IGF1R: variants seen among roughly 807,000 people sequenced by gnomAD.
IGF1R encodes insulin-like growth factor 1 receptor.
In IGF1R, 44 loss-of-function variants were observed where a neutral mutation model predicts 144.6. The ratio of observed to expected loss-of-function variants is 0.30; its 90% confidence interval spans 0.24 to 0.39. The LOEUF is 0.39. Ranked by LOEUF, IGF1R falls within the 10% of genes least tolerant of loss-of-function variation. IGF1R has a pLI of 1.00. For missense variants in IGF1R, 1,355 were observed against 1,833.7 expected (o/e 0.74, Z 4.77); for synonymous variants, 795 against 722.8 (o/e 1.10, Z -1.60).
At chr15:98,769,238 C>A (rs899994927) in intron 2 of IGF1R, among the ~76,000 whole-genome samples, 1 of 151,894 alleles carries the variant, frequency 6.6e-6, no homozygotes, top group East Asian at 1.9e-4. Flanking sequence ...TGGTATGTAC[C>A]TTGTGGCTAA....
chr15:98,683,232 G>A (rs1313116834), intron 1 of IGF1R, among the ~76,000 whole-genome samples: 1 of 152,138 alleles, frequency 6.6e-6, no homozygotes, highest in Non-Finnish European at 1.5e-5. Context: ...GAGTTTGGGT[G>A]TGTGACTTAA....
chr15:98,776,286 G>C lies in IGF1R; in HGVS notation c.640+68179G>C, dbSNP rs928615162. On this transcript the variant is annotated intron_variant, in intron 2 of 20. Transcript: ENST00000650285. ...TGCAACCTCCGCCTCCCGGGTTCCAGCAATTCTCCTGCCTCGGCCTTCTGA... is the reference window on the plus strand; with the variant it reads ...TGCAACCTCCGCCTCCCGGGTTCCACCAATTCTCCTGCCTCGGCCTTCTGA... Among the ~76,000 whole-genome samples the C allele has an allele frequency of 1.3e-4, 20 of 151,978 alleles. No individual in the cohort carries two copies. The East Asian group carries it at 2.5e-3, about 19-fold the overall frequency.
At chr15:98,833,044 A>G (rs994107486) in intron 2 of IGF1R, among the ~76,000 whole-genome samples, 1 of 152,238 alleles carries the variant, frequency 6.6e-6, no homozygotes, top group Non-Finnish European at 1.5e-5. Flanking sequence ...GGTGAGGACT[A>G]CATTATGGGC....
intron 5 of IGF1R, among the ~76,000 whole-genome samples, chr15:98,901,776 C>T (rs1411946496): frequency 6.6e-6 from 1 of 152,146 alleles, no homozygotes; most frequent in East Asian, 1.9e-4. Flanking sequence ...TGAGATGGGC[C>T]TTGAAGGCTT....
chr15:98,773,124 A>T (rs1401662835), intron 2 of IGF1R, among the ~76,000 whole-genome samples: 1 of 151,874 alleles, frequency 6.6e-6, no homozygotes, highest in East Asian at 1.9e-4. Flanking sequence ...AACTTTTATG[A>T]TTTTCTTCCT....
At chr15:98,934,773 C>G in intron 15 of IGF1R, 51 bp from the exon 16 acceptor site, 1 of 1,513,150 alleles carries the variant, frequency 6.6e-7, no homozygotes, top group Non-Finnish European at 9.2e-7. Flanking sequence ...AAAGCACGTT[C>G]TGTCTAAGGG....
chr15:98,895,859 C>T (rs1310078273), intron 3 of IGF1R, among the ~76,000 whole-genome samples: 1 of 152,212 alleles, frequency 6.6e-6, no homozygotes, highest in African/African-American at 2.4e-5. Context: ...TCCTATTACA[C>T]ACACATCGCA....
chr15:98,853,348 G>A (rs1200045455), intron 2 of IGF1R, among the ~76,000 whole-genome samples: 1 of 152,170 alleles, frequency 6.6e-6, no homozygotes, highest in Non-Finnish European at 1.5e-5. Flanking sequence ...TGAATTATTT[G>A]CGACAGGGCT....
chr15:98,824,403 C>G (rs1369107035), intron 2 of IGF1R, among the ~76,000 whole-genome samples: 1 of 152,170 alleles, frequency 6.6e-6, no homozygotes, highest in African/African-American at 2.4e-5. Context: ...TCAGCTTTTC[C>G]TTCCCTCCAA....
chr15:98,672,411 A>G (rs1199998535), intron 1 of IGF1R, among the ~76,000 whole-genome samples: 1 of 152,058 alleles, frequency 6.6e-6, no homozygotes, highest in Non-Finnish European at 1.5e-5. Context: ...CGAAAAATAC[A>G]ATACAAAAAT....
chr15:98,944,796 T>C (rs1406410925), intron 19 of IGF1R, among the ~76,000 whole-genome samples: 1 of 152,262 alleles, frequency 6.6e-6, no homozygotes, highest in Non-Finnish European at 1.5e-5. Context: ...AGGGACTCCA[T>C]GTTCACTGCC....
chr15:98,869,848 A>G (rs994150777), intron 2 of IGF1R, among the ~76,000 whole-genome samples: 3 of 152,204 alleles, frequency 2.0e-5, no homozygotes, highest in African/African-American at 4.8e-5. Context: ...AAGTTTGCCT[A>G]TGTAGTCGTC....
At chr15:98,776,113 C>G (rs1167465847) in intron 2 of IGF1R, among the ~76,000 whole-genome samples, 3 of 151,998 alleles carry the variant, frequency 2.0e-5, no homozygotes, top group South Asian at 2.1e-4. Flanking sequence ...CCTTAAACTC[C>G]CGAAGGGAGG....
intron 2 of IGF1R, among the ~76,000 whole-genome samples, chr15:98,799,623 G>A (rs1379295816): frequency 6.6e-6 from 1 of 152,172 alleles, no homozygotes; most frequent in Non-Finnish European, 1.5e-5. Flanking sequence ...ACAGGCAGAG[G>A]TGGGAGGCGG....
chr15:98,703,751 G>A (rs1215222327), intron 1 of IGF1R, among the ~76,000 whole-genome samples: 1 of 152,250 alleles, frequency 6.6e-6, no homozygotes, highest in Non-Finnish European at 1.5e-5. Flanking sequence ...GCAAAGTGAA[G>A]CAGATTCTTT....
chr15:98,958,040 TG>T lies in IGF1R; in HGVS notation c.*599del. The T allele has an allele frequency of 4.3e-6, 1 of 234,278 alleles. No individual in the cohort carries two copies. The allele number at this position is 234,278 out of a possible 1,614,324, so 14.5% of individuals were successfully genotyped here. ...ACGCTGCCTAATTTTGCCAAAATCC[TG>T]AACTTTCTCCCTCATCGGCCCGGCG... On this transcript the variant is annotated 3_prime_UTR_variant, in exon 21 of 21. Transcript: ENST00000650285.
At chr15:98,949,561 G>A (rs1169881286) in intron 20 of IGF1R, among the ~76,000 whole-genome samples, 1 of 151,976 alleles carries the variant, frequency 6.6e-6, no homozygotes, top group Admixed American at 6.6e-5. Flanking sequence ...AGTAGAGATG[G>A]GGTTTTACCA....
At chr15:98,944,230 A>G (rs1227287049) in intron 19 of IGF1R, among the ~76,000 whole-genome samples, 1 of 152,238 alleles carries the variant, frequency 6.6e-6, no homozygotes, top group Non-Finnish European at 1.5e-5. Flanking sequence ...CAGAAGCAGA[A>G]TAGAAGGATA....
At chr15:98,861,691 C>T (rs183121547) in intron 2 of IGF1R, among the ~76,000 whole-genome samples, 103 of 152,300 alleles carry the variant, frequency 6.8e-4, no homozygotes, top group African/African-American at 2.4e-3. Context: ...AGTCTTTGCA[C>T]CTTAGTCTCC....
Sources: gnomAD v4.1 joint callset for allele counts (sites outside exome capture counted in the v4.1 genomes callset) on GRCh38, gnomAD v4.1.1 for gene constraint, MANE v1.5 for transcripts, NCBI Gene and HGNC (gene_info 2026-07-23, HGNC 2026-07-21) for gene names.